Variants in DNAJC3 observed in about 807,000 individuals in gnomAD.
The protein encoded by DNAJC3 is dnaJ homolog subfamily C member 3.
DNAJC3 carries 38 observed loss-of-function variants against 68.6 expected under a neutral mutation model. That is an observed-to-expected ratio of 0.55 (90% CI 0.43 to 0.73). The LOEUF is 0.73. Among genes scored for constraint, DNAJC3 ranks in the 30% least tolerant of loss-of-function variants. The pLI, the probability that DNAJC3 is intolerant of heterozygous loss-of-function variation, is 0.00. For synonymous variants in DNAJC3, 203 were observed against 204.0 expected (o/e 1.00, Z 0.04); for missense variants, 526 against 591.9 (o/e 0.89, Z 1.16).
At chr13:95,766,957 C>T (rs889842431) in intron 9 of DNAJC3, among the ~76,000 whole-genome samples, 4 of 152,142 alleles carry the variant, frequency 2.6e-5, no homozygotes, top group African/African-American at 9.7e-5. Flanking sequence ...GCCTTGGCCT[C>T]CCAAAGTGCT....
intron 1 of DNAJC3, among the ~76,000 whole-genome samples, chr13:95,697,218 G>A (rs909294518): frequency 6.6e-6 from 1 of 152,118 alleles, no homozygotes; most frequent in African/African-American, 2.4e-5. Flanking sequence ...CTAGTCTAGT[G>A]GTGATGAATT....
At chr13:95,741,094 T>C (rs1882127150) in intron 4 of DNAJC3, among the ~76,000 whole-genome samples, 1 of 152,228 alleles carries the variant, frequency 6.6e-6, no homozygotes, top group Non-Finnish European at 1.5e-5. Flanking sequence ...TGGAGAGTTA[T>C]TGTTTTCTTT....
chr13:95,683,481 C>G (rs965893534), intron 1 of DNAJC3, among the ~76,000 whole-genome samples: 1 of 152,204 alleles, frequency 6.6e-6, no homozygotes, highest in Non-Finnish European at 1.5e-5. Flanking sequence ...TATCTCCCCC[C>G]TCTCTGTCTT....
At chr13:95,712,374 CTTTTTTT>C (rs71113952) in intron 2 of DNAJC3, among the ~76,000 whole-genome samples, 3 of 135,222 alleles carry the variant, frequency 2.2e-5, no homozygotes, top group African/African-American at 5.5e-5. Flanking sequence ...ATGCTTTTTT[CTTTTTTT>C]TTTTTTTTTT....
chr13:95,709,281 A>G lies in DNAJC3; in HGVS notation c.137A>G (p.Lys46Arg), dbSNP rs1394493173. Residue 46 changes from lysine (K) to arginine (R), a missense_variant, in exon 2 of 12, where the codon AAA (lysine) becomes AGA (arginine). Physicochemically the swap from Lys to Arg is conservative, Grantham distance 26. Coordinates refer to ENST00000602402, the MANE Select transcript of DNAJC3 (RefSeq NM_006260.5). The part of the protein sequence containing the change: ...DVEKHLELGK[K>R]LLAAGQLADA... ...GAGAAACATCTTGAATTGGGCAAGAAATTACTTGCAGCTGGACAGCTAGCT... is the reference window on the plus strand; with the variant it reads ...GAGAAACATCTTGAATTGGGCAAGAGATTACTTGCAGCTGGACAGCTAGCT... 6 of 1,588,596 alleles carry G rather than the reference A, an allele frequency of 3.8e-6. No individual in the cohort carries two copies. The Admixed American group carries it at 7.1e-5, about 19-fold the overall frequency.
chr13:95,700,866 C>T (rs954319963), intron 1 of DNAJC3, among the ~76,000 whole-genome samples: 7 of 152,150 alleles, frequency 4.6e-5, no homozygotes, highest in Non-Finnish European at 8.8e-5. Flanking sequence ...GAATTGGTTT[C>T]CTTCTTCCTC....
intron 2 of DNAJC3, among the ~76,000 whole-genome samples, chr13:95,714,915 T>C (rs1881089304): frequency 6.6e-6 from 1 of 152,082 alleles, no homozygotes; most frequent in Non-Finnish European, 1.5e-5. Flanking sequence ...AAATGACTGC[T>C]CCTTTTTTTT....
At chr13:95,725,312 T>A (rs931811659) in intron 4 of DNAJC3, 60 bp downstream of exon 4, 1 of 1,276,364 alleles carries the variant, frequency 7.8e-7, no homozygotes. Flanking sequence ...GTATTTGACC[T>A]TTTTTATATT....
intron 9 of DNAJC3, among the ~76,000 whole-genome samples, chr13:95,765,744 G>A (rs146936177): frequency 2.3e-4 from 35 of 151,802 alleles, no homozygotes; most frequent in Admixed American, 4.6e-4. Flanking sequence ...GCTCATTTTT[G>A]TACTTCTAGT....
intron 9 of DNAJC3, among the ~76,000 whole-genome samples, chr13:95,777,221 C>T (rs1393821672): frequency 6.6e-6 from 1 of 152,090 alleles, no homozygotes; most frequent in Non-Finnish European, 1.5e-5. Flanking sequence ...AGTTATTGTT[C>T]TGTTCTTTTC....
At chr13:95,756,451 A>C (rs902729061) in intron 4 of DNAJC3, among the ~76,000 whole-genome samples, 2 of 152,208 alleles carry the variant, frequency 1.3e-5, no homozygotes, top group African/African-American at 4.8e-5. Context: ...GACAAAATAG[A>C]ATAGCTAAAA....
chr13:95,770,602 C>T (rs1883131108), intron 9 of DNAJC3, among the ~76,000 whole-genome samples: 1 of 152,108 alleles, frequency 6.6e-6, no homozygotes, highest in Non-Finnish European at 1.5e-5. Flanking sequence ...AAATTACGTC[C>T]CCTGTATATA....
chr13:95,757,065 C>A (rs1241808236), intron 4 of DNAJC3, among the ~76,000 whole-genome samples: 3 of 150,428 alleles, frequency 2.0e-5, no homozygotes, highest in African/African-American at 7.3e-5. Flanking sequence ...AGGCAGTGTG[C>A]AGATCTCTTA....
intron 1 of DNAJC3, among the ~76,000 whole-genome samples, chr13:95,685,608 G>T (rs1880053631): frequency 6.6e-6 from 1 of 152,078 alleles, no homozygotes; most frequent in South Asian, 2.1e-4. Context: ...GAATGATATG[G>T]TTTGGATCTG....
chr13:95,710,889 C>T (rs987581756), intron 2 of DNAJC3, among the ~76,000 whole-genome samples: 3 of 151,906 alleles, frequency 2.0e-5, no homozygotes, highest in African/African-American at 7.3e-5. Context: ...CTGGGTTTCA[C>T]CATTTTGCCC....
At chr13:95,739,862 C>T (rs868023536) in intron 4 of DNAJC3, among the ~76,000 whole-genome samples, 5 of 152,246 alleles carry the variant, frequency 3.3e-5, no homozygotes, top group South Asian at 2.1e-4. Flanking sequence ...TGAGGAACTG[C>T]GTTCCTTTAG....
chr13:95,700,970 C>T (rs1880570835), intron 1 of DNAJC3, among the ~76,000 whole-genome samples: 1 of 151,996 alleles, frequency 6.6e-6, no homozygotes, highest in Non-Finnish European at 1.5e-5. Context: ...AAATACTAGA[C>T]ATTTTTTTTA....
intron 2 of DNAJC3, among the ~76,000 whole-genome samples, chr13:95,711,069 T>C (rs868084944): frequency 1.1e-4 from 17 of 152,342 alleles, no homozygotes; most frequent in Non-Finnish European, 7.4e-5. Flanking sequence ...ATAAACTCAA[T>C]GTAGTTAGGT....
intron 4 of DNAJC3, among the ~76,000 whole-genome samples, chr13:95,737,675 T>A (rs1881972557): frequency 6.6e-6 from 1 of 151,996 alleles, no homozygotes; most frequent in South Asian, 2.1e-4. Flanking sequence ...ATATCCCCTT[T>A]ATCATTTTTT....
Sources: allele counts gnomAD v4.1 joint callset (sites outside exome capture counted in the v4.1 genomes callset), GRCh38; gene constraint gnomAD v4.1.1; transcripts MANE v1.5; gene names NCBI Gene and HGNC (gene_info 2026-07-23, HGNC 2026-07-21).